THSD7B: variants seen among roughly 807,000 people sequenced by gnomAD.
The protein encoded by THSD7B is thrombospondin type 1 domain containing 7B.
Under a neutral mutation model 213.6 loss-of-function variants are expected in THSD7B, and 138 were observed. The ratio of observed to expected loss-of-function variants is 0.65; its 90% CI spans 0.56 to 0.74. The LOEUF is 0.74. THSD7B is among the 30% of genes least tolerant of loss of function. The pLI is 0.00. For synonymous variants in THSD7B, 742 were observed against 687.0 expected (o/e 1.08, Z -1.25); for missense variants, 1,931 against 1,991.5 (o/e 0.97, Z 0.58).
intron 15 of THSD7B, among the ~76,000 whole-genome samples, chr2:137,554,666 A>G (rs1217584622): frequency 1.3e-5 from 2 of 152,130 alleles, no homozygotes; most frequent in Admixed American, 1.3e-4. Context: ...CTGAGGTACC[A>G]GGTTCATCTC....
At chr2:137,522,504 G>A (rs1204626834) in intron 15 of THSD7B, among the ~76,000 whole-genome samples, 1 of 151,916 alleles carries the variant, frequency 6.6e-6, no homozygotes, top group African/African-American at 2.4e-5. Context: ...TTGCTGGTGA[G>A]GGAAAGAAAG....
At chr2:137,398,974 C>T (rs1686280618) in intron 12 of THSD7B, among the ~76,000 whole-genome samples, 1 of 152,200 alleles carries the variant, frequency 6.6e-6, no homozygotes, top group African/African-American at 2.4e-5. Context: ...AGGGAACTCC[C>T]TGACCCCTTG....
At chr2:137,528,785 T>A (rs1428144438) in intron 15 of THSD7B, among the ~76,000 whole-genome samples, 9 of 152,102 alleles carry the variant, frequency 5.9e-5, no homozygotes, top group Non-Finnish European at 2.9e-5. Context: ...CCATTGTATA[T>A]TTACTGCGTT....
intron 2 of THSD7B, among the ~76,000 whole-genome samples, chr2:136,884,617 T>A (rs1258584735): frequency 6.6e-6 from 1 of 152,210 alleles, no homozygotes; most frequent in East Asian, 1.9e-4. Context: ...CTTCCATATG[T>A]GCATGTATGT....
At position 137,463,368 on chromosome 2, in the gene THSD7B, A is replaced by G. The variant is rs571666978; in HGVS notation, c.3138+12345A>G. On this transcript the variant is annotated intron_variant, in intron 15 of 27. Coordinates refer to ENST00000409968, the MANE Select transcript of THSD7B (RefSeq NM_001316349.2). ...TTCACACTTCCATGCATGTATTTTT[A>G]TACCATATTTTAAAATCTTGTTCAA... Among the ~76,000 whole-genome samples, 98 of 152,204 alleles carry G rather than the reference A, an allele frequency of 6.4e-4. 1 individual carries two copies. The highest frequency in any genetic ancestry group is 2.3e-3 in the African/African-American group (95 of 41,548).
At chr2:136,959,717 C>A (rs936980387) in intron 2 of THSD7B, among the ~76,000 whole-genome samples, 1 of 151,996 alleles carries the variant, frequency 6.6e-6, no homozygotes, top group South Asian at 2.1e-4. Context: ...GCAAAGGGGC[C>A]GATATTAATG....
chr2:137,215,849 A>C (rs1488850516), intron 7 of THSD7B, among the ~76,000 whole-genome samples: 1 of 152,216 alleles, frequency 6.6e-6, no homozygotes, highest in Non-Finnish European at 1.5e-5. Flanking sequence ...AAGGCCTAGG[A>C]AATTATGCAT....
chr2:136,816,941 T>C (rs966199270), intron 1 of THSD7B, among the ~76,000 whole-genome samples: 7 of 152,222 alleles, frequency 4.6e-5, no homozygotes, highest in African/African-American at 1.7e-4. Context: ...ATGGACATAT[T>C]GCTGAACTTT....
At position 137,395,852 on chromosome 2, in the gene THSD7B, G is replaced by C. The variant is rs1331436150; in HGVS notation, c.2501-9761G>C. On this transcript the variant is annotated intron_variant, in intron 12 of 27. Transcript: ENST00000409968. ...GCCACAATTTCAGCTCCTGTTATTG[G>C]TCTATTCAGAGATTCAACTTCTTCC... Among the ~76,000 whole-genome samples, 4 of 148,760 alleles carry C rather than the reference G, an allele frequency of 2.7e-5. No individual in the cohort carries two copies. In the South Asian group the frequency reaches 8.7e-4, roughly 32 times the overall value.
rs1309875176 is a variant in THSD7B at position 137,282,056 on chromosome 2, C to T, written c.2500+6030C>T. On this transcript the variant is annotated intron_variant, in intron 12 of 27. Coordinates refer to ENST00000409968, the MANE Select transcript of THSD7B (RefSeq NM_001316349.2). ...GTGTTCCTATTTCTCCACATCCTCT[C>T]CAGCACCTGTTGTTTCCTGACTTTT... Among the ~76,000 whole-genome samples, 26 of 150,840 alleles carry T rather than the reference C, an allele frequency of 1.7e-4. No individual in the cohort carries two copies. In the South Asian group the frequency reaches 4.5e-3, roughly 26 times the overall value.
chr2:136,772,954 C>A (rs1558800234), intron 1 of THSD7B, among the ~76,000 whole-genome samples: 2 of 152,106 alleles, frequency 1.3e-5, no homozygotes, highest in Admixed American at 1.3e-4. Flanking sequence ...CTGTTGGAAT[C>A]TGACCAGTTT....
At chr2:137,422,657 A>G (rs1037027889) in intron 14 of THSD7B, among the ~76,000 whole-genome samples, 1 of 152,216 alleles carries the variant, frequency 6.6e-6, no homozygotes, top group African/African-American at 2.4e-5. Flanking sequence ...TGCTCTAAAC[A>G]TATTCATAGT....
At chr2:136,798,964 C>A (rs1297453897) in intron 1 of THSD7B, among the ~76,000 whole-genome samples, 1 of 152,030 alleles carries the variant, frequency 6.6e-6, no homozygotes, top group African/African-American at 2.4e-5. Context: ...TTTTTGGCAT[C>A]TTGCCCTGCT....
intron 21 of THSD7B, among the ~76,000 whole-genome samples, chr2:137,649,492 A>G (rs1464219688): frequency 3.9e-5 from 6 of 152,166 alleles, no homozygotes; most frequent in Admixed American, 6.5e-5. Context: ...ATTTTTCTGC[A>G]TATGCTTATC....
intron 17 of THSD7B, among the ~76,000 whole-genome samples, chr2:137,612,847 G>A (rs1246485428): frequency 1.3e-5 from 2 of 152,038 alleles, no homozygotes; most frequent in Non-Finnish European, 2.9e-5. Context: ...AAATTGATTA[G>A]GACACAGATG....
At chr2:137,152,103 G>A (rs1679830990) in intron 5 of THSD7B, among the ~76,000 whole-genome samples, 1 of 151,064 alleles carries the variant, frequency 6.6e-6, no homozygotes, top group South Asian at 2.1e-4. Flanking sequence ...TTTAGGAATG[G>A]TCCTACAACT....
rs1226437769 is a variant in THSD7B, at chr2:137,404,454, TATATATATATATATATATATACAC to T, written c.2501-1157_2501-1134del. Among the ~76,000 whole-genome samples, 24 of 106,546 alleles carry T rather than the reference TATATATATATATATATATATACAC, an allele frequency of 2.3e-4. No homozygotes were observed. The South Asian group carries it at 7.0e-3, about 31-fold the overall frequency. 69.9% of individuals were successfully genotyped at this position (106,546 alleles called of 152,430 possible). ...AGATATATATATATATATATATATA[TATATATATATATATATATATACAC>T]ACACACACACACACACACACACACA... On this transcript the variant is annotated intron_variant, in intron 12 of 27. Coordinates refer to ENST00000409968, the MANE Select transcript of THSD7B (RefSeq NM_001316349.2).
At chr2:136,983,377 A>ACACACACACACACACACACACT (rs1342830898) in intron 2 of THSD7B, among the ~76,000 whole-genome samples, 15 of 146,298 alleles carry the variant, frequency 1.0e-4, no homozygotes, top group South Asian at 2.2e-4. Flanking sequence ...ACACGCACAC[A>ACACACACACACACACACACACT]CACTCACTCT....
intron 7 of THSD7B, among the ~76,000 whole-genome samples, chr2:137,217,814 A>G (rs1681283012): frequency 6.6e-6 from 1 of 152,158 alleles, no homozygotes; most frequent in African/African-American, 2.4e-5. Context: ...TCAGAAATAC[A>G]TAAGATACAT....
Sources: allele counts gnomAD v4.1 joint callset (sites outside exome capture counted in the v4.1 genomes callset), GRCh38; gene constraint gnomAD v4.1.1; transcripts MANE v1.5; gene names NCBI Gene and HGNC (gene_info 2026-07-23, HGNC 2026-07-21).